Variants in TXNDC11 observed in about 807,000 individuals in gnomAD.
TXNDC11 encodes thioredoxin domain-containing protein 11.
TXNDC11 carries 68 observed loss-of-function variants against 78.0 expected under a neutral mutation model. The observed-to-expected ratio is 0.87, with a 90% CI of 0.72 to 1.07. The LOEUF (loss-of-function observed/expected upper bound fraction) is 1.07, where lower values mean the gene tolerates loss of function less well. Ranked by LOEUF, TXNDC11 falls within the 50% of genes least tolerant of loss-of-function variation. TXNDC11 has a pLI of 0.00. For missense variants in TXNDC11, 1,389 were observed against 1,221.8 expected, an observed-to-expected ratio of 1.14 and a Z score of -2.04; for synonymous variants, 571 against 495.2, an observed-to-expected ratio of 1.15 and a Z score of -2.03.
At chr16:11,693,132 C>T (rs1376048800) in intron 7 of TXNDC11, among the ~76,000 whole-genome samples, 3 of 152,184 alleles carry the variant, frequency 2.0e-5, no homozygotes, top group East Asian at 1.9e-4. Context: ...CGGGGCCTAG[C>T]ACAGGGCCAG....
chr16:11,694,096 G>GTTTT (rs2050791738), intron 7 of TXNDC11, among the ~76,000 whole-genome samples: 1 of 110,404 alleles, frequency 9.1e-6, no homozygotes, highest in African/African-American at 4.2e-5. Context: ...CTACAGCAAT[G>GTTTT]CTTTTTTTTT....
chr16:11,733,616 T>TGCTA (rs1446131035), intron 3 of TXNDC11, among the ~76,000 whole-genome samples: 1 of 152,270 alleles, frequency 6.6e-6, no homozygotes, highest in African/African-American at 2.4e-5. Context: ...CTCTGGACTC[T>TGCTA]GCTATGCCTC....
At chr16:11,734,882 A>G (rs145109189) in intron 2 of TXNDC11, among the ~76,000 whole-genome samples, 1,558 of 152,256 alleles carry the variant, frequency 0.01, 31 homozygotes, top group African/African-American at 0.035. Flanking sequence ...GGCTTGCTAC[A>G]ATGACTGGGG....
At chr16:11,718,433 A>T (rs531560740) in intron 5 of TXNDC11, among the ~76,000 whole-genome samples, 11 of 152,308 alleles carry the variant, frequency 7.2e-5, no homozygotes, top group Non-Finnish European at 1.2e-4. Flanking sequence ...TCCAGCCTTG[A>T]TCTGTACATA....
chr16:11,728,944 C>T (rs182581642), intron 4 of TXNDC11, among the ~76,000 whole-genome samples: 1 of 150,592 alleles, frequency 6.6e-6, no homozygotes, highest in African/African-American at 2.5e-5. Flanking sequence ...GAGATTGCAG[C>T]GAGCCAAGAT....
intron 5 of TXNDC11, among the ~76,000 whole-genome samples, chr16:11,713,167 G>A (rs900082593): frequency 1.4e-5 from 2 of 147,696 alleles, no homozygotes; most frequent in South Asian, 2.1e-4. Context: ...CATGCCTGTA[G>A]TCCCAGCTCC....
rs551856827 is a variant in TXNDC11, at chr16:11,691,553, G to C, written c.1637C>G (p.Pro546Arg). The C allele has an allele frequency of 6.8e-6, 11 of 1,614,210 alleles. No individual in the cohort carries two copies. Among genetic ancestry groups the C allele is most frequent in the Middle Eastern group, 3.3e-4 (2 of 6,062 alleles). ...SLEKKCEVDA[P>R]SSVPHIEENR... ...CTCCTCAATGTGAGGAACGGAGCTT[G>C]GGGCATCAACCTCACATTTCTTCTC... Residue 546 changes from proline to arginine, a missense_variant, in exon 8 of 12, where the codon CCA becomes CGA. By Grantham distance (103) the Pro-to-Arg change is moderately radical. Transcript: ENST00000283033.
intron 1 of TXNDC11, among the ~76,000 whole-genome samples, chr16:11,737,815 C>T (rs2052270059): frequency 7.0e-6 from 1 of 143,594 alleles, no homozygotes; most frequent in Non-Finnish European, 1.5e-5. Flanking sequence ...CATGCCATTG[C>T]ACTCAGCCTC....
chr16:11,680,785 T>C (rs2050403790), intron 11 of TXNDC11, among the ~76,000 whole-genome samples: 1 of 152,160 alleles, frequency 6.6e-6, no homozygotes, highest in Non-Finnish European at 1.5e-5. Context: ...TAAATTGTTT[T>C]ATAATTTTGG....
chr16:11,703,901 G>A (rs1051050847), intron 5 of TXNDC11, among the ~76,000 whole-genome samples: 2 of 152,206 alleles, frequency 1.3e-5, no homozygotes, highest in African/African-American at 2.4e-5. Context: ...AGACCAGCCT[G>A]GCCAACATAG....
chr16:11,691,412 T>C lies in TXNDC11; in HGVS notation c.1778A>G (p.Tyr593Cys). The C allele has an allele frequency of 1.4e-5, 22 of 1,614,242 alleles. No homozygotes were observed. The highest frequency in any genetic ancestry group is 1.8e-5 in the Non-Finnish European group (21 of 1,180,048). ...YLLDSNLFWLYAERLGAPSST... is the reference protein window; with the variant it reads ...YLLDSNLFWLCAERLGAPSST... ...GCTCGGAGCACCCAGTCTCTCTGCA[T>C]ATAACCAAAACAAATTTGAATCCAA... Residue 593 changes from tyrosine to cysteine, a missense_variant, in exon 8 of 12, where the codon TAT (tyrosine) becomes TGT (cysteine). Coordinates refer to ENST00000283033, the MANE Select transcript of TXNDC11 (RefSeq NM_015914.7).
At chr16:11,687,629 T>A (rs2050599803) in intron 10 of TXNDC11, among the ~76,000 whole-genome samples, 2 of 152,190 alleles carry the variant, frequency 1.3e-5, no homozygotes, top group Admixed American at 6.5e-5. Flanking sequence ...CCTACGAATC[T>A]AGTCAGGGCT....
chr16:11,683,079 A>C (rs749541599), intron 11 of TXNDC11, among the ~76,000 whole-genome samples: 2 of 152,202 alleles, frequency 1.3e-5, no homozygotes, highest in African/African-American at 2.4e-5. Flanking sequence ...GGGTCCCCAA[A>C]AGGACTCAAC....
chr16:11,691,684 G>C lies in TXNDC11; in HGVS notation c.1506C>G (p.Phe502Leu). The change falls in exon 8 of 12, where the codon TTC (phenylalanine) becomes TTG (leucine). Residue 502 changes from phenylalanine (F) to leucine (L), a missense_variant. Phe to Leu is a conservative substitution (Grantham distance 22). Transcript: ENST00000283033. The part of the protein sequence containing the change: ...CSNFLTSYSP[F>L]SYYTACCRTI... Reference sequence around the variant, plus strand: ...TCCTGCAACATGCAGTGTAGTAGCTGAAGGGGCTATAGGAAGTTAAAAAAT... The same window carrying C: ...TCCTGCAACATGCAGTGTAGTAGCTCAAGGGGCTATAGGAAGTTAAAAAAT... 1.2e-6 allele frequency: 2 copies of C among 1,614,210 alleles called. No homozygotes were observed. The highest frequency in any genetic ancestry group is 1.7e-6 in the Non-Finnish European group (2 of 1,180,046).
intron 6 of TXNDC11, among the ~76,000 whole-genome samples, chr16:11,699,575 AAACTGCAAG>A (rs1469673167): frequency 6.6e-6 from 1 of 152,278 alleles, no homozygotes; most frequent in African/African-American, 2.4e-5. Context: ...TTTGGAATAT[AAACTGCAAG>A]AAGTAAAGCA....
At chr16:11,706,655 C>T (rs1377523571) in intron 5 of TXNDC11, among the ~76,000 whole-genome samples, 1 of 152,180 alleles carries the variant, frequency 6.6e-6, no homozygotes, top group African/African-American at 2.4e-5. Flanking sequence ...TTCCCACACC[C>T]TCCCCAAGTA....
intron 7 of TXNDC11, among the ~76,000 whole-genome samples, chr16:11,695,897 T>C (rs920426554): frequency 9.9e-5 from 15 of 151,756 alleles, no homozygotes. Context: ...TAGCCAGGCG[T>C]AGAGGCGTGC....
intron 10 of TXNDC11, among the ~76,000 whole-genome samples, chr16:11,687,298 G>C (rs2050591419): frequency 1.3e-5 from 2 of 152,022 alleles, no homozygotes; most frequent in South Asian, 2.1e-4. Flanking sequence ...GGTTAAATGT[G>C]AACAGTTTTC....
At chr16:11,694,636 C>G (rs981556166) in intron 7 of TXNDC11, among the ~76,000 whole-genome samples, 1 of 152,046 alleles carries the variant, frequency 6.6e-6, no homozygotes, top group African/African-American at 2.4e-5. Flanking sequence ...TTAGTAGAGA[C>G]GAGGTTTCAC....
Sources: allele counts gnomAD v4.1 joint callset (sites outside exome capture counted in the v4.1 genomes callset), GRCh38; gene constraint gnomAD v4.1.1; transcripts MANE v1.5; gene names NCBI Gene and HGNC (gene_info 2026-07-23, HGNC 2026-07-21).